JMJD1C: variants seen among roughly 807,000 people sequenced by gnomAD.
The protein encoded by JMJD1C is jumonji domain-containing protein 1C.
In JMJD1C, 31 loss-of-function variants were observed where a neutral mutation model predicts 245.3. The ratio of observed to expected loss-of-function variants is 0.13; its 90% confidence interval spans 0.09 to 0.17. JMJD1C has a LOEUF of 0.17. Among genes scored for constraint, JMJD1C ranks in the 10% least tolerant of loss-of-function variants. JMJD1C has a pLI of 1.00. For missense variants in JMJD1C, 2,691 were observed against 3,000.2 expected, an observed-to-expected ratio of 0.90 and a Z score of 2.41; for synonymous variants, 1,057 against 1,017.4, an observed-to-expected ratio of 1.04 and a Z score of -0.74.
chr10:63,378,278 A>G (rs1009633385), intron 2 of JMJD1C, among the ~76,000 whole-genome samples: 5 of 152,122 alleles, frequency 3.3e-5, no homozygotes, highest in Admixed American at 6.6e-5. Flanking sequence ...ATTCATCTCA[A>G]TCTTAATTGC....
At chr10:63,280,137 C>A (rs1020519697) in intron 2 of JMJD1C, among the ~76,000 whole-genome samples, 1 of 151,542 alleles carries the variant, frequency 6.6e-6, no homozygotes, top group African/African-American at 2.4e-5. Flanking sequence ...GGTGACAGGG[C>A]GAGACTTCAT....
intron 1 of JMJD1C, among the ~76,000 whole-genome samples, chr10:63,447,600 A>G (rs908491170): frequency 4.6e-5 from 7 of 152,192 alleles, no homozygotes; most frequent in Admixed American, 6.5e-5. Flanking sequence ...CAAATTACTT[A>G]GATGGACAGA....
intron 3 of JMJD1C, among the ~76,000 whole-genome samples, chr10:63,257,886 G>A (rs1854175264): frequency 6.6e-6 from 1 of 152,126 alleles, no homozygotes; most frequent in African/African-American, 2.4e-5. Context: ...CACTGTCTAT[G>A]GGTTATATTG....
Position 63,422,080 on chromosome 10 carries a change from AAGAG to A in JMJD1C, c.169-41602_169-41599del, listed in dbSNP as rs545930119. ...AATGAAACATTTTTTGAGATCATAGAAGAGAGAGACACCATTTATTATAAAAACA... is the reference window on the plus strand; with the variant it reads ...AATGAAACATTTTTTGAGATCATAGAAGAGACACCATTTATTATAAAAACA... On this transcript the variant is annotated intron_variant, in intron 1 of 25. Coordinates refer to ENST00000399262, the MANE Select transcript of JMJD1C (RefSeq NM_032776.3). Among the ~76,000 whole-genome samples, 393 of 152,320 alleles carry A rather than the reference AAGAG, an allele frequency of 2.6e-3. 2 individuals carry two copies. The highest frequency in any genetic ancestry group is 8.9e-3 in the African/African-American group (369 of 41,570).
intron 1 of JMJD1C, among the ~76,000 whole-genome samples, chr10:63,502,454 T>C (rs1429695455): frequency 2.0e-5 from 3 of 152,076 alleles, no homozygotes; most frequent in East Asian, 1.9e-4. Context: ...CTGACCAACA[T>C]AGTGAAACCC....
chr10:63,173,633 G>A (rs1362374302), intron 24 of JMJD1C, among the ~76,000 whole-genome samples: 1 of 151,924 alleles, frequency 6.6e-6, no homozygotes, highest in Non-Finnish European at 1.5e-5. Context: ...GTGGTGGGGG[G>A]ATCACTTGAA....
Position 63,180,896 on chromosome 10 carries a change from G to T in JMJD1C, c.7084+2551C>A, listed in dbSNP as rs1401403866. On this transcript the variant is annotated intron_variant, in intron 22 of 25. Coordinates refer to ENST00000399262, the MANE Select transcript of JMJD1C (RefSeq NM_032776.3). ...CCATTCTCCTGCCTCAGCCTCCCAAGTAGCTGGGACTACAGGCGCCCGCCA... is the reference window on the plus strand; with the variant it reads ...CCATTCTCCTGCCTCAGCCTCCCAATTAGCTGGGACTACAGGCGCCCGCCA... Among the ~76,000 whole-genome samples, 3 of 151,260 alleles carry T rather than the reference G, an allele frequency of 2.0e-5. No homozygotes were observed. In the East Asian group the frequency reaches 5.8e-4, roughly 29 times the overall value.
chr10:63,439,265 G>A (rs546611881), intron 1 of JMJD1C, among the ~76,000 whole-genome samples: 2 of 152,242 alleles, frequency 1.3e-5, no homozygotes, highest in African/African-American at 2.4e-5. Flanking sequence ...TTTCTTCTCT[G>A]TAGAAACAAC....
intron 2 of JMJD1C, among the ~76,000 whole-genome samples, chr10:63,285,231 T>C (rs1341740144): frequency 6.6e-6 from 1 of 152,146 alleles, no homozygotes; most frequent in Non-Finnish European, 1.5e-5. Flanking sequence ...TAACAACACC[T>C]GGAACCAATA....
intron 3 of JMJD1C, among the ~76,000 whole-genome samples, chr10:63,243,720 T>C (rs1225408616): frequency 6.6e-6 from 1 of 151,906 alleles, no homozygotes; most frequent in East Asian, 1.9e-4. Flanking sequence ...CTCCCCTCAG[T>C]AGAAAACAAA....
At chr10:63,246,442 A>T (rs113641526) in intron 3 of JMJD1C, among the ~76,000 whole-genome samples, 4 of 152,220 alleles carry the variant, frequency 2.6e-5, no homozygotes, top group African/African-American at 9.6e-5. Flanking sequence ...AAAATAAAAA[A>T]CAAAACAAAA....
chr10:63,317,396 T>C (rs1182237645), intron 2 of JMJD1C, among the ~76,000 whole-genome samples: 1 of 152,042 alleles, frequency 6.6e-6, no homozygotes, highest in Non-Finnish European at 1.5e-5. Flanking sequence ...TCCCAGCTAC[T>C]TGGGAGGCTG....
At chr10:63,266,809 C>T (rs966896571) in intron 2 of JMJD1C, among the ~76,000 whole-genome samples, 8 of 152,228 alleles carry the variant, frequency 5.3e-5, no homozygotes, top group East Asian at 3.9e-4. Flanking sequence ...CTCTTTCTTA[C>T]GCAAATAATA....
At chr10:63,492,905 T>TA (rs1954221034) in intron 1 of JMJD1C, among the ~76,000 whole-genome samples, 1 of 152,142 alleles carries the variant, frequency 6.6e-6, no homozygotes, top group African/African-American at 2.4e-5. Context: ...AACATGAACT[T>TA]AAAGTCTACA....
chr10:63,324,581 C>CAATG (rs1284519079), intron 2 of JMJD1C, among the ~76,000 whole-genome samples: 1 of 152,156 alleles, frequency 6.6e-6, no homozygotes, highest in Non-Finnish European at 1.5e-5. Flanking sequence ...TTCCTTCATT[C>CAATG]AATGAATGCT....
chr10:63,397,704 T>A (rs1329540613), intron 1 of JMJD1C, among the ~76,000 whole-genome samples: 1 of 152,070 alleles, frequency 6.6e-6, no homozygotes, highest in Non-Finnish European at 1.5e-5. Context: ...AGGTAAGTTT[T>A]TTATTTTTTT....
chr10:63,323,562 G>C (rs958047556), intron 2 of JMJD1C, among the ~76,000 whole-genome samples: 2 of 152,128 alleles, frequency 1.3e-5, no homozygotes, highest in African/African-American at 4.8e-5. Context: ...ATTTTCTGAA[G>C]CACAAGTTAT....
At chr10:63,184,514 G>C (rs1444503776) in intron 21 of JMJD1C, 94 bp downstream of exon 21, 1 of 1,068,510 alleles carries the variant, frequency 9.4e-7, no homozygotes, top group African/African-American at 1.6e-5. Context: ...AGAGTGCTGG[G>C]ATTGCAGGCG....
chr10:63,446,929 ACAAAC>A, intron 1 of JMJD1C, among the ~76,000 whole-genome samples: 1 of 152,194 alleles, frequency 6.6e-6, no homozygotes, highest in Non-Finnish European at 1.5e-5. Context: ...TATTTTCCTT[ACAAAC>A]TAGAGATTCC....
Sources: gnomAD v4.1 joint callset for allele counts (sites outside exome capture counted in the v4.1 genomes callset) on GRCh38, gnomAD v4.1.1 for gene constraint, MANE v1.5 for transcripts, NCBI Gene and HGNC (gene_info 2026-07-23, HGNC 2026-07-21) for gene names.